Variants in GLT8D2 observed in about 807,000 individuals in gnomAD.
GLT8D2 encodes glycosyltransferase 8 domain containing 2.
In GLT8D2, 45 loss-of-function variants were observed where a neutral mutation model predicts 44.5. The observed-to-expected ratio is 1.01, with a 90% CI of 0.80 to 1.30. The LOEUF (loss-of-function observed/expected upper bound fraction) is 1.30, where lower values mean the gene tolerates loss of function less well. Among genes scored for constraint, GLT8D2 ranks in the 50% most tolerant of loss-of-function variants. GLT8D2 has a pLI of 0.00. For missense variants in GLT8D2, 400 were observed against 430.4 expected, an observed-to-expected ratio of 0.93 and a Z score of 0.62; for synonymous variants, 156 against 157.2, an observed-to-expected ratio of 0.99 and a Z score of 0.06.
chr12:104,045,337 A>G, intron 1 of GLT8D2, among the ~76,000 whole-genome samples: 1 of 152,054 alleles, frequency 6.6e-6, no homozygotes. Context: ...TCCTAGCCCT[A>G]GTGACTTCCG....
intron 10 of GLT8D2, among the ~76,000 whole-genome samples, chr12:103,990,325 C>A (rs1016951262): frequency 6.6e-6 from 1 of 151,872 alleles, no homozygotes; most frequent in African/African-American, 2.4e-5. Flanking sequence ...TTTGAACAGT[C>A]TTGTCTAAAT....
intron 1 of GLT8D2, among the ~76,000 whole-genome samples, chr12:104,046,796 A>G (rs2136501875): frequency 6.6e-6 from 1 of 152,304 alleles, no homozygotes; most frequent in East Asian, 1.9e-4. Context: ...GGTTTACTCA[A>G]GATTCACCAA....
chr12:104,001,698 TTTATTTA>T, intron 5 of GLT8D2, among the ~76,000 whole-genome samples: 1 of 141,624 alleles, frequency 7.1e-6, no homozygotes, highest in African/African-American at 2.8e-5. Flanking sequence ...TTATTTATTT[TTTATTTA>T]TTATTTTTTA....
intron 1 of GLT8D2, among the ~76,000 whole-genome samples, chr12:104,026,186 C>G (rs1878543702): frequency 6.7e-6 from 1 of 148,868 alleles, no homozygotes; most frequent in South Asian, 2.1e-4. Flanking sequence ...GGCTGAGGCA[C>G]AAGAATCACT....
chr12:104,016,727 GA>G (rs1876713312), intron 3 of GLT8D2, among the ~76,000 whole-genome samples: 1 of 62,200 alleles, frequency 1.6e-5, no homozygotes, highest in Non-Finnish European at 3.3e-5. Flanking sequence ...AAGAAAGAAA[GA>G]AAGAAAGAAA....
At chr12:104,028,306 G>T (rs1878825073) in intron 1 of GLT8D2, among the ~76,000 whole-genome samples, 1 of 152,168 alleles carries the variant, frequency 6.6e-6, no homozygotes, top group Non-Finnish European at 1.5e-5. Context: ...GCGTGTGTGT[G>T]TGTGTATAAT....
At chr12:104,034,458 G>T (rs762153656) in intron 1 of GLT8D2, among the ~76,000 whole-genome samples, 2 of 152,270 alleles carry the variant, frequency 1.3e-5, no homozygotes. Context: ...TTTTCCAGTG[G>T]TCTTAGCAAA....
At chr12:104,058,000 C>T (rs892577588) in intron 1 of GLT8D2, among the ~76,000 whole-genome samples, 1 of 152,192 alleles carries the variant, frequency 6.6e-6, no homozygotes, top group African/African-American at 2.4e-5. Flanking sequence ...GACCCAACCT[C>T]CTACAGTGTG....
rs149134635 is a variant in GLT8D2, at chr12:103,996,291, G to A, written c.600+444C>T. Among the ~76,000 whole-genome samples, 36 of 152,294 alleles carry A rather than the reference G, an allele frequency of 2.4e-4. 1 individual carries two copies. The East Asian group carries it at 6.9e-3, about 29-fold the overall frequency. ...CTTCTACTGGAAGGGGGATAAAAGT[G>A]ATGGTCAAAACTCTGAAAATAGAAC... On this transcript the variant is annotated intron_variant, in intron 8 of 10. Coordinates refer to ENST00000360814, the MANE Select transcript of GLT8D2 (RefSeq NM_001384711.1).
At chr12:104,021,653 A>G (rs372325529) in intron 1 of GLT8D2, among the ~76,000 whole-genome samples, 162 bp from the exon 2 acceptor site, 1 of 151,424 alleles carries the variant, frequency 6.6e-6, no homozygotes, top group Admixed American at 6.6e-5. Flanking sequence ...AGCAGGCATC[A>G]TGGTGCATGC....
chr12:104,031,307 G>T, intron 1 of GLT8D2: 1 of 1,569,524 alleles, frequency 6.4e-7, no homozygotes, highest in Non-Finnish European at 8.7e-7. Flanking sequence ...CCAGATCAAG[G>T]AGGGGAAACG....
intron 1 of GLT8D2, among the ~76,000 whole-genome samples, chr12:104,062,045 A>T (rs1377650826): frequency 6.6e-6 from 1 of 151,930 alleles, no homozygotes; most frequent in Admixed American, 6.6e-5. Flanking sequence ...AGCTAAAAAA[A>T]ATAGTGAGAA....
At chr12:104,046,545 C>A (rs1390228487) in intron 1 of GLT8D2, among the ~76,000 whole-genome samples, 1 of 152,208 alleles carries the variant, frequency 6.6e-6, no homozygotes, top group East Asian at 1.9e-4. Flanking sequence ...TGGTTGCTAT[C>A]ACTGTGTCAA....
chr12:104,019,686 A>C lies in GLT8D2; in HGVS notation c.-28-10T>G. The C allele has an allele frequency of 1.3e-6, 2 of 1,584,846 alleles. No homozygotes were observed. Among genetic ancestry groups the C allele is most frequent in the South Asian group, 2.3e-5 (2 of 88,262 alleles). ...GGATAAGAACTGTAACCTGTGGATT[A>C]AAGGAAAAAAAATCTGTTTAAAGGA... is the stretch of plus-strand genomic sequence containing the variant. On this transcript the variant is annotated splice_polypyrimidine_tract_variant and intron_variant, in intron 2 of 10. Transcript: ENST00000360814.
rs117449887 is a variant in GLT8D2, at chr12:104,041,873, A to G, written c.-164+8022T>C. Among the ~76,000 whole-genome samples, 695 of 152,314 alleles carry G rather than the reference A, an allele frequency of 4.6e-3. 1 individual carries two copies. Among genetic ancestry groups the G allele is most frequent in the Non-Finnish European group, 7.4e-3 (501 of 68,018 alleles). On this transcript the variant is annotated intron_variant, in intron 1 of 10. Coordinates refer to ENST00000360814, the MANE Select transcript of GLT8D2 (RefSeq NM_001384711.1). ...TTTTAGCATCAAGGAGGGGCACCTG[A>G]CCAGATCATGGGGGTCAGGGAAGGC...
At chr12:104,043,004 C>T (rs182404952) in intron 1 of GLT8D2, among the ~76,000 whole-genome samples, 1 of 152,260 alleles carries the variant, frequency 6.6e-6, no homozygotes, top group African/African-American at 2.4e-5. Flanking sequence ...AGAACTGCAC[C>T]ACAGGACTTG....
At chr12:104,015,374 C>A (rs1213688209) in intron 3 of GLT8D2, among the ~76,000 whole-genome samples, 2 of 148,002 alleles carry the variant, frequency 1.4e-5, no homozygotes, top group Non-Finnish European at 3.0e-5. Context: ...CAGAGTGGGA[C>A]CCTGTCTCAA....
chr12:104,012,187 A>ATATATATAT (rs1555278404), intron 4 of GLT8D2, among the ~76,000 whole-genome samples: 9 of 84,750 alleles, frequency 1.1e-4, no homozygotes, highest in Non-Finnish European at 1.9e-4. Flanking sequence ...AAAAAAAAAA[A>ATATATATAT]AAATATATAT....
intron 10 of GLT8D2, among the ~76,000 whole-genome samples, chr12:103,991,612 G>A (rs1196448707): frequency 6.6e-6 from 1 of 152,100 alleles, no homozygotes; most frequent in Non-Finnish European, 1.5e-5. Context: ...CTTCTACTTT[G>A]ATGGGATCTG....
Sources: allele counts gnomAD v4.1 joint callset (sites outside exome capture counted in the v4.1 genomes callset), GRCh38; gene constraint gnomAD v4.1.1; transcripts MANE v1.5; gene names NCBI Gene and HGNC (gene_info 2026-07-23, HGNC 2026-07-21).